Variants in HIVEP3 observed in about 807,000 individuals in gnomAD.
The protein encoded by HIVEP3 is transcription factor HIVEP3.
In HIVEP3, 49 loss-of-function variants were observed where a neutral mutation model predicts 152.8. The ratio of observed to expected loss-of-function variants is 0.32; its 90% confidence interval spans 0.26 to 0.41. HIVEP3 has a LOEUF of 0.41. Ranked by LOEUF, HIVEP3 falls within the 10% of genes least tolerant of loss-of-function variation. The pLI is 1.00. For synonymous variants in HIVEP3, 1,269 were observed against 1,289.0 expected, an observed-to-expected ratio of 0.98 and a Z score of 0.33; for missense variants, 2,790 against 3,103.3, an observed-to-expected ratio of 0.90 and a Z score of 2.40.
At chr1:41,608,377 T>A (rs1040808355) in intron 3 of HIVEP3, among the ~76,000 whole-genome samples, 1 of 152,200 alleles carries the variant, frequency 6.6e-6, no homozygotes, top group East Asian at 1.9e-4. Flanking sequence ...CCACATCCAG[T>A]CTGCTAGAGA....
At chr1:41,631,694 TGCTCTGTG>T (rs996251305) in intron 2 of HIVEP3, among the ~76,000 whole-genome samples, 28 of 152,146 alleles carry the variant, frequency 1.8e-4, no homozygotes, top group African/African-American at 6.5e-4. Flanking sequence ...TGGAGAGGCT[TGCTCTGTG>T]GCTCTATCAA....
chr1:41,863,967 C>T (rs1394304556), intron 1 of HIVEP3, among the ~76,000 whole-genome samples: 1 of 152,184 alleles, frequency 6.6e-6, no homozygotes, highest in East Asian at 1.9e-4. Context: ...ATGGGATTAG[C>T]CATCTGCAGA....
At chr1:41,702,490 G>A (rs1216617116) in intron 1 of HIVEP3, among the ~76,000 whole-genome samples, 2 of 152,154 alleles carry the variant, frequency 1.3e-5, no homozygotes, top group African/African-American at 4.8e-5. Flanking sequence ...TTCCCTGTAT[G>A]TAAAATGGGA....
At chr1:41,579,625 C>T in intron 4 of HIVEP3, 112 bp downstream of exon 4, 1 of 1,252,088 alleles carries the variant, frequency 8.0e-7, no homozygotes, top group Non-Finnish European at 1.1e-6. Flanking sequence ...GGAAATCTGA[C>T]TACTAGTCTG....
chr1:41,527,007 G>A (rs1160546399), intron 5 of HIVEP3, among the ~76,000 whole-genome samples: 4 of 53,240 alleles, frequency 7.5e-5, no homozygotes, highest in Non-Finnish European at 1.1e-4. Context: ...ACTCACACTC[G>A]CTTACACCCC....
intron 1 of HIVEP3, among the ~76,000 whole-genome samples, chr1:41,783,449 G>A (rs748309940): frequency 3.9e-5 from 6 of 152,282 alleles, no homozygotes; most frequent in African/African-American, 9.6e-5. Context: ...TAACCTCTCC[G>A]TGTGCCACTT....
intron 5 of HIVEP3, among the ~76,000 whole-genome samples, chr1:41,526,269 ACACT>A (rs1201099210): frequency 2.7e-5 from 4 of 149,444 alleles, no homozygotes; most frequent in Admixed American, 1.3e-4. Context: ...TCACACCCAC[ACACT>A]CACCCTCACA....
chr1:42,019,595 C>T (rs1645542469), intron 1 of HIVEP3, among the ~76,000 whole-genome samples: 1 of 151,730 alleles, frequency 6.6e-6, no homozygotes, highest in South Asian at 2.1e-4. Flanking sequence ...TATCCAGTAC[C>T]CCTGCTTAAA....
At chr1:41,683,318 A>G (rs184454253) in intron 2 of HIVEP3, among the ~76,000 whole-genome samples, 13 of 152,344 alleles carry the variant, frequency 8.5e-5, no homozygotes, top group Admixed American at 7.2e-4. Flanking sequence ...CCAAAGTGGG[A>G]AAAGGCACTG....
At chr1:41,784,539 G>C (rs145225985) in intron 1 of HIVEP3, among the ~76,000 whole-genome samples, 22 of 152,310 alleles carry the variant, frequency 1.4e-4, no homozygotes, top group African/African-American at 5.1e-4. Context: ...AATTGCTCTT[G>C]ACTTGCTGCT....
intron 2 of HIVEP3, among the ~76,000 whole-genome samples, chr1:41,682,969 A>G (rs1267666066): frequency 1.3e-5 from 2 of 152,218 alleles, no homozygotes; most frequent in African/African-American, 2.4e-5. Context: ...GGGAGACACC[A>G]TGGAAGGAAT....
chr1:41,789,075 G>A (rs1649534199), intron 1 of HIVEP3, among the ~76,000 whole-genome samples: 1 of 152,196 alleles, frequency 6.6e-6, no homozygotes, highest in African/African-American at 2.4e-5. Flanking sequence ...GCAGCTGCAG[G>A]CACCCTCCTT....
intron 1 of HIVEP3, among the ~76,000 whole-genome samples, chr1:41,856,075 A>C (rs953350239): frequency 2.6e-5 from 4 of 152,204 alleles, no homozygotes; most frequent in Non-Finnish European, 4.4e-5. Context: ...CCATATGGAG[A>C]ATACCAGAGC....
chr1:41,989,415 T>C (rs985774693), intron 1 of HIVEP3, among the ~76,000 whole-genome samples: 1 of 152,154 alleles, frequency 6.6e-6, no homozygotes, highest in Non-Finnish European at 1.5e-5. Context: ...TAGAGCAATC[T>C]ATATGGTAAA....
chr1:42,007,148 A>C (rs1037847968), intron 1 of HIVEP3, among the ~76,000 whole-genome samples: 8 of 152,170 alleles, frequency 5.3e-5, no homozygotes, highest in Admixed American at 5.2e-4. Context: ...ACTTGGGTCT[A>C]TGCCCTCTGC....
intron 1 of HIVEP3, among the ~76,000 whole-genome samples, chr1:41,935,988 C>T (rs1379714396): frequency 1.3e-5 from 2 of 151,824 alleles, no homozygotes. Flanking sequence ...TTCACCTAAC[C>T]TAAACAAACC....
chr1:41,872,524 C>T (rs1039249593), intron 1 of HIVEP3, among the ~76,000 whole-genome samples: 4 of 152,052 alleles, frequency 2.6e-5, no homozygotes, highest in African/African-American at 9.7e-5. Flanking sequence ...TGCTTTAACA[C>T]ACTCTTTCTC....
At chr1:41,678,924 AG>A (rs1645997710) in intron 2 of HIVEP3, among the ~76,000 whole-genome samples, 1 of 152,240 alleles carries the variant, frequency 6.6e-6, no homozygotes, top group Non-Finnish European at 1.5e-5. Flanking sequence ...AGGGAGAAGA[AG>A]GATTCATGGG....
At chr1:41,901,615 C>T (rs1644625075) in intron 1 of HIVEP3, among the ~76,000 whole-genome samples, 1 of 152,154 alleles carries the variant, frequency 6.6e-6, no homozygotes, top group Non-Finnish European at 1.5e-5. Flanking sequence ...TTAAACTTCA[C>T]AAAATGCCAC....
Sources: gnomAD v4.1 joint callset for allele counts (sites outside exome capture counted in the v4.1 genomes callset) on GRCh38, gnomAD v4.1.1 for gene constraint, MANE v1.5 for transcripts, NCBI Gene and HGNC (gene_info 2026-07-23, HGNC 2026-07-21) for gene names.